Variants in ERO1B observed in about 807,000 individuals in gnomAD.
ERO1B encodes ERO1-like protein beta.
A neutral mutation model predicts 75.3 loss-of-function variants in ERO1B; 49 were observed. The observed-to-expected ratio is 0.65, with a 90% CI of 0.52 to 0.83. ERO1B has a LOEUF of 0.83. Ranked by LOEUF, ERO1B falls within the 40% of genes least tolerant of loss-of-function variation. The probability of loss-of-function intolerance (pLI) is 0.00; values close to 1 mark genes in which losing one functional copy is unlikely to be tolerated. For synonymous variants in ERO1B, 191 were observed against 192.9 expected (o/e 0.99, Z 0.08); for missense variants, 512 against 560.1 (o/e 0.91, Z 0.87).
chr1:236,252,479 A>AT (rs1665052953), intron 3 of ERO1B, among the ~76,000 whole-genome samples: 1 of 152,180 alleles, frequency 6.6e-6, no homozygotes. Flanking sequence ...ATTATGTGCA[A>AT]TTTTAACTTC....
chr1:236,278,245 CTG>C (rs1665751668), intron 1 of ERO1B, among the ~76,000 whole-genome samples: 1 of 152,104 alleles, frequency 6.6e-6, no homozygotes, highest in South Asian at 2.1e-4. Context: ...TGTGTGAGGA[CTG>C]TCTCATGGTT....
intron 7 of ERO1B, 68 bp from the exon 8 acceptor site, chr1:236,235,903 A>G (rs1248148590): frequency 3.7e-6 from 5 of 1,344,100 alleles, no homozygotes; most frequent in Non-Finnish European, 5.2e-6. Context: ...TTTTATTCCA[A>G]TAGAAACAAA....
chr1:236,251,448 A>G (rs1558515906), intron 4 of ERO1B: 1 of 972,692 alleles, frequency 1.0e-6, no homozygotes, highest in Admixed American at 6.2e-5. Flanking sequence ...AATAAATACA[A>G]TAAAGTAAAA....
chr1:236,258,149 C>CAGA (rs71559929), intron 2 of ERO1B, among the ~76,000 whole-genome samples: 1 of 96,572 alleles, frequency 1.0e-5, no homozygotes, highest in Admixed American at 1.2e-4. Context: ...AAAAACAAAG[C>CAGA]AAAAAAAAAA....
At chr1:236,235,736 A>G in intron 8 of ERO1B, 53 bp downstream of exon 8, 1 of 1,472,596 alleles carries the variant, frequency 6.8e-7, no homozygotes, top group South Asian at 1.2e-5. Flanking sequence ...TTTAGTTATA[A>G]AGACATTTTA....
Position 236,226,461 on chromosome 1 carries a change from A to C in ERO1B, c.860T>G (p.Phe287Cys), listed in dbSNP as rs746134572. 6.2e-7 allele frequency: 1 copy of C among 1,614,140 alleles called. No homozygotes were observed. Among genetic ancestry groups the C allele is most frequent in the Admixed American group, 1.7e-5 (1 of 60,008 alleles). ...GPNIKEFKHR[F>C]DPVETKGEGP... ...TTCTCCCTTGGTTTCCACAGGGTCA[A>C]AGCGGTGTTTGAATTCTTTAATATT... Residue 287 changes from phenylalanine (F) to cysteine (C), a missense_variant, in exon 12 of 16, where the codon TTT becomes TGT. Transcript: ENST00000354619.
At position 236,217,213 on chromosome 1, in the gene ERO1B, A is replaced by G. The variant is rs1664011406; in HGVS notation, c.*1303T>C. The G allele has an allele frequency of 6.6e-6, 1 of 152,146 alleles. No individual in the cohort carries two copies. Among genetic ancestry groups the G allele is most frequent in the African/African-American group, 2.4e-5 (1 of 41,452 alleles). 9.4% of individuals were successfully genotyped at this position (152,146 alleles called of 1,614,324 possible). A position where few individuals can be genotyped will look rare whatever the true frequency, so the allele number is the denominator to read the frequency against. On this transcript the variant is annotated 3_prime_UTR_variant, in exon 16 of 16. Transcript: ENST00000354619. ...CAGAAAAGACTAAAGAGTCTAAGGA[A>G]AAACTCTAGATCTTGTACCTGCATT...
At chr1:236,246,143 A>G (rs1664881143) in intron 5 of ERO1B, among the ~76,000 whole-genome samples, 1 of 152,142 alleles carries the variant, frequency 6.6e-6, no homozygotes, top group Non-Finnish European at 1.5e-5. Context: ...CTCCATAAAA[A>G]TATACATATG....
chr1:236,242,055 G>A (rs367927227), intron 6 of ERO1B, among the ~76,000 whole-genome samples: 9 of 135,228 alleles, frequency 6.7e-5, no homozygotes, highest in South Asian at 2.6e-4. Flanking sequence ...GCGACACAGC[G>A]AGACTCTGTC....
intron 1 of ERO1B, among the ~76,000 whole-genome samples, chr1:236,280,635 G>A (rs953074461): frequency 3.9e-5 from 6 of 152,130 alleles, no homozygotes; most frequent in African/African-American, 1.2e-4. Context: ...GGCACTCTGG[G>A]ATTTAGTGCA....
intron 6 of ERO1B, among the ~76,000 whole-genome samples, chr1:236,239,813 A>ATATATATGTG (rs1558510782): frequency 3.0e-4 from 14 of 47,326 alleles, no homozygotes; most frequent in African/African-American, 6.2e-4. Context: ...ATATGTGTGT[A>ATATATATGTG]TATATATATG....
intron 12 of ERO1B, 88 bp from the exon 13 acceptor site, chr1:236,225,227 G>C: frequency 2.4e-6 from 3 of 1,261,500 alleles, no homozygotes; most frequent in Non-Finnish European, 3.4e-6. Flanking sequence ...CTATCCTTAT[G>C]AATATTTAAA....
chr1:236,220,721 A>ATTTT, intron 15 of ERO1B, 111 bp downstream of exon 15: 2 of 875,706 alleles, frequency 2.3e-6, no homozygotes, highest in African/African-American at 2.2e-5. Flanking sequence ...TACAATATAA[A>ATTTT]ATTTTTTTTT....
At chr1:236,223,198 G>A (rs1477579461) in intron 13 of ERO1B, among the ~76,000 whole-genome samples, 8 of 95,160 alleles carry the variant, frequency 8.4e-5, no homozygotes, top group African/African-American at 3.7e-4. Context: ...GTGAAACTCT[G>A]TCTCAAAAAA....
chr1:236,233,200 T>C lies in ERO1B; in HGVS notation c.674-361A>G, dbSNP rs1014965768. ...GGCATGTACCTGTAATCCCAGCTACTTGGGAGGCTGAGGCAGGAGAATCAC... is the reference window on the plus strand; with the variant it reads ...GGCATGTACCTGTAATCCCAGCTACCTGGGAGGCTGAGGCAGGAGAATCAC... On this transcript the variant is annotated intron_variant, in intron 8 of 15. Transcript: ENST00000354619. 2.6e-5 allele frequency among the ~76,000 whole-genome samples: 4 copies of C among 151,734 alleles called. No homozygotes were observed. In the South Asian group the frequency reaches 8.3e-4, roughly 32 times the overall value.
intron 2 of ERO1B, among the ~76,000 whole-genome samples, chr1:236,260,819 CCT>C (rs1382775233): frequency 2.0e-5 from 3 of 151,562 alleles, no homozygotes; most frequent in African/African-American, 7.3e-5. Context: ...CAGTATTTAC[CCT>C]GATTTCGAAG....
At position 236,226,336 on chromosome 1, in the gene ERO1B, A is replaced by G; in HGVS notation, c.985T>C (p.Tyr329His). Residue 329 changes from tyrosine to histidine, a missense_variant, in exon 12 of 16, where the codon TAC becomes CAC. By Grantham distance (83) the Tyr-to-His change is moderately conservative. Transcript: ENST00000354619. Reference protein sequence around the residue: ...PYFERSIVDLYTGNAEEDADT... With the variant: ...PYFERSIVDLHTGNAEEDADT... ...GCATCTTCTTCTGCATTTCCAGTGT[A>G]AAGATCGACAATTGAGCGCTCAAAA... is the stretch of plus-strand genomic sequence containing the variant. 1 of 1,614,138 alleles carries G rather than the reference A, an allele frequency of 6.2e-7. No individual in the cohort carries two copies. Among genetic ancestry groups the G allele is most frequent in the Non-Finnish European group, 8.5e-7 (1 of 1,179,998 alleles).
chr1:236,251,557 C>A, intron 4 of ERO1B: 3 of 640,040 alleles, frequency 4.7e-6, no homozygotes, highest in Non-Finnish European at 5.8e-6. Context: ...TATGGATGCG[C>A]AGTAGTGAAA....
At chr1:236,229,798 T>C (rs1293348567) in intron 10 of ERO1B, among the ~76,000 whole-genome samples, 1 of 152,208 alleles carries the variant, frequency 6.6e-6, no homozygotes, top group South Asian at 2.1e-4. Context: ...GGTTAGACTA[T>C]ATTAACGTGG....
Sources: gnomAD v4.1 joint callset for allele counts (sites outside exome capture counted in the v4.1 genomes callset) on GRCh38, gnomAD v4.1.1 for gene constraint, MANE v1.5 for transcripts, NCBI Gene and HGNC (gene_info 2026-07-23, HGNC 2026-07-21) for gene names.